The following CEP290 variants were observed in gnomAD, a reference collection of about 807,000 sequenced individuals.
The protein encoded by CEP290 is centrosomal protein of 290 kDa.
In CEP290, 317 loss-of-function variants were observed where a neutral mutation model predicts 344.9. The ratio of observed to expected loss-of-function variants is 0.92; its 90% CI spans 0.84 to 1.01. The LOEUF is 1.01. Ranked by LOEUF, CEP290 falls within the 50% of genes least tolerant of loss-of-function variation. CEP290 has a pLI of 0.00. For missense variants in CEP290, 2,754 were observed against 2,761.4 expected (o/e 1.00, Z 0.06); for synonymous variants, 932 against 895.8 (o/e 1.04, Z -0.72).
chr12:88,111,654 C>T (rs772336879), intron 21 of CEP290, 40 bp downstream of exon 21: 1 of 1,496,374 alleles, frequency 6.7e-7, no homozygotes, highest in Non-Finnish European at 8.9e-7. Flanking sequence ...AATCTACATT[C>T]TTATGTTTAG....
At chr12:88,126,906 CT>C (rs1356050139) in intron 11 of CEP290, among the ~76,000 whole-genome samples, 1 of 152,028 alleles carries the variant, frequency 6.6e-6, no homozygotes, top group African/African-American at 2.4e-5. Flanking sequence ...CAATTTATAA[CT>C]TTAACACATA....
intron 5 of CEP290, among the ~76,000 whole-genome samples, chr12:88,137,732 C>T (rs1343885215): frequency 1.3e-5 from 2 of 152,192 alleles, no homozygotes; most frequent in African/African-American, 4.8e-5. Context: ...CCTTGGAACT[C>T]TTTCAATTGG....
intron 41 of CEP290, 25 bp downstream of exon 41, chr12:88,077,197 T>C: frequency 6.3e-7 from 1 of 1,593,518 alleles, no homozygotes; most frequent in East Asian, 2.3e-5. Context: ...CTTAAGCATA[T>C]AAGTCAGTAT....
At position 88,129,691 on chromosome 12, in the gene CEP290, T is replaced by C. The variant is rs1555225551; in HGVS notation, c.852+3A>G. The stretch of plus-strand genomic sequence containing the variant: ...AATAAGTTATTCTAAAAGTAATTCT[T>C]ACTTGAAGTTGATAATGATCGTTTT... On this transcript the variant is annotated splice_donor_region_variant and intron_variant, in intron 10 of 53. Transcript: ENST00000552810. 2.2e-6 allele frequency: 3 copies of C among 1,375,356 alleles called. No individual in the cohort carries two copies. Among genetic ancestry groups the C allele is most frequent in the Non-Finnish European group, 3.0e-6 (3 of 1,012,690 alleles). The allele number at this position is 1,375,356 out of a possible 1,614,324, so 85.2% of individuals were successfully genotyped here. A position where few individuals can be genotyped will look rare whatever the true frequency, so the allele number is the denominator to read the frequency against.
At position 88,077,917 on chromosome 12, in the gene CEP290, G is replaced by T; in HGVS notation, c.5366C>A (p.Thr1789Lys). ...IVDRHTRELK[T>K]QVEDLNENLL... ...ATTTTCATTTAAATCTTCAACTTGT[G>T]TCTAATAAGAGAAAAAGAAAGGTAT... The change falls in exon 40 of 54, where the codon ACA (threonine) becomes AAA (lysine). Residue 1789 changes from threonine to lysine, a missense_variant and splice_region_variant. Thr to Lys is a moderately conservative substitution (Grantham distance 78, BLOSUM62 -1). Coordinates refer to ENST00000552810, the MANE Select transcript of CEP290 (RefSeq NM_025114.4). 1 of 1,239,378 alleles carries T rather than the reference G, an allele frequency of 8.1e-7. No individual in the cohort carries two copies. The highest frequency in any genetic ancestry group is 1.1e-6 in the Non-Finnish European group (1 of 895,184). The allele number at this position is 1,239,378 out of a possible 1,614,324, so 76.8% of individuals were successfully genotyped here.
Position 88,120,100 on chromosome 12 carries a change from A to G in CEP290, c.1522+14T>C. The stretch of plus-strand genomic sequence containing the variant: ...TCAGGTTGCGCAAACTATGTAACTT[A>G]AAACATGGCTTACCCACACGCTCTC... On this transcript the variant is annotated intron_variant, in intron 15 of 53. Coordinates refer to ENST00000552810, the MANE Select transcript of CEP290 (RefSeq NM_025114.4). 1 of 1,466,104 alleles carries G rather than the reference A, an allele frequency of 6.8e-7. No individual in the cohort carries two copies. The highest frequency in any genetic ancestry group is 2.5e-5 in the East Asian group (1 of 39,220). 90.8% of individuals were successfully genotyped at this position (1,466,104 alleles called of 1,614,324 possible).
chr12:88,074,523 C>CT (rs952115003), intron 41 of CEP290, among the ~76,000 whole-genome samples: 3 of 152,180 alleles, frequency 2.0e-5, no homozygotes, highest in Admixed American at 1.3e-4. Flanking sequence ...TACATATAGG[C>CT]TTTTTTCCAT....
At chr12:88,110,977 T>C (rs1448520722) in intron 22 of CEP290, among the ~76,000 whole-genome samples, 1 of 152,148 alleles carries the variant, frequency 6.6e-6, no homozygotes, top group East Asian at 1.9e-4. Context: ...TTATTTATAA[T>C]CCATCTAACA....
chr12:88,053,875 C>A, intron 51 of CEP290, 129 bp from the exon 52 acceptor site: 1 of 521,124 alleles, frequency 1.9e-6, no homozygotes. Flanking sequence ...TAAACATTTA[C>A]TCTCAATGCT....
rs1176131735 is a variant in CEP290, at chr12:88,077,734, A to G, written c.5549T>C (p.Leu1850Pro). 1 of 1,569,776 alleles carries G rather than the reference A, an allele frequency of 6.4e-7. No individual in the cohort carries two copies. The highest frequency in any genetic ancestry group is 1.4e-5 in the African/African-American group (1 of 72,590). The change falls in exon 40 of 54, where the codon CTG becomes CCG. Residue 1850 changes from leucine (L) to proline (P), a missense_variant. Transcript: ENST00000552810. ...GGTTAGTCTTTTAATTTGCCTTTTC[A>G]GTTCATCATTCTCTTGATCAATTTC... ...KEEIDQENDELKRQIKRLTSG... is the reference protein window; with the variant it reads ...KEEIDQENDEPKRQIKRLTSG...
At chr12:88,135,806 G>C (rs1416225286) in intron 6 of CEP290, 1 of 151,894 alleles carries the variant, frequency 6.6e-6, no homozygotes, top group Non-Finnish European at 1.5e-5. Context: ...AGGACACAAA[G>C]GTGGAAAACG....
intron 6 of CEP290, among the ~76,000 whole-genome samples, chr12:88,134,158 T>G (rs2040231096): frequency 6.6e-6 from 1 of 152,158 alleles, no homozygotes; most frequent in Non-Finnish European, 1.5e-5. Context: ...TCTACAAAAC[T>G]GAAATAATCT....
In CEP290 at chr12:88,084,639, G is replaced by A. The variant is rs746305733; in HGVS notation, c.4651C>T (p.Gln1551Ter). 3 of 1,612,890 alleles carry A rather than the reference G, an allele frequency of 1.9e-6. No individual in the cohort carries two copies. The highest frequency in any genetic ancestry group is 3.3e-5 in the Admixed American group (2 of 59,940). Residue 1551 changes from glutamine to a stop codon, truncating the protein, a stop_gained, in exon 35 of 54, where the codon CAA becomes TAA. Coordinates refer to ENST00000552810, the MANE Select transcript of CEP290 (RefSeq NM_025114.4). LOFTEE classifies it high-confidence loss of function. ...TACTTCTTTAATACTTCTTCTTTTT[G>A]ATTTAACCTTGCTTGCATGTTTGCA... ...TIANMQARLN[Q>*]KEEVLKKYQR...
chr12:88,134,835 A>C (rs1442292993), intron 6 of CEP290, among the ~76,000 whole-genome samples: 1 of 152,092 alleles, frequency 6.6e-6, no homozygotes, highest in Non-Finnish European at 1.5e-5. Flanking sequence ...TTTCCTAAAT[A>C]CTCCATAACA....
rs776215675 is a variant in CEP290 at position 88,071,770 on chromosome 12, T to G, written c.5855+11A>C. On this transcript the variant is annotated intron_variant, in intron 42 of 53. Coordinates refer to ENST00000552810, the MANE Select transcript of CEP290 (RefSeq NM_025114.4). ...ACACATAATTAGTTTTATAATGATATTTAAACTCACTTGGCAAAAAGATCC... is the reference window on the plus strand; with the variant it reads ...ACACATAATTAGTTTTATAATGATAGTTAAACTCACTTGGCAAAAAGATCC... 26 of 1,575,808 alleles carry G rather than the reference T, an allele frequency of 1.6e-5. No homozygotes were observed. Among genetic ancestry groups the G allele is most frequent in the Non-Finnish European group, 2.1e-5 (24 of 1,163,260 alleles).
At position 88,118,241 on chromosome 12, in the gene CEP290, G is replaced by T. The variant is rs2039179164; in HGVS notation, c.1711+242C>A. Among the ~76,000 whole-genome samples the T allele has an allele frequency of 2.6e-5, 4 of 151,642 alleles. No individual in the cohort carries two copies. The South Asian group carries it at 8.3e-4, about 32-fold the overall frequency. ...TTTTCAAAAATTCCATAATTCTAAG[G>T]TTTTTTTCTTTTTTGTTTGCTTGGT... is the stretch of plus-strand genomic sequence containing the variant. On this transcript the variant is annotated intron_variant, in intron 17 of 53. Transcript: ENST00000552810.
At chr12:88,092,337 A>C (rs1392441886) in intron 29 of CEP290, among the ~76,000 whole-genome samples, 2 of 152,116 alleles carry the variant, frequency 1.3e-5, no homozygotes, top group African/African-American at 4.8e-5. Context: ...TCCCTTATTA[A>C]AATGAAGAAA....
At chr12:88,106,622 G>T (rs1382188923) in intron 25 of CEP290, 53 bp downstream of exon 25, 5 of 1,164,036 alleles carry the variant, frequency 4.3e-6, no homozygotes, top group Non-Finnish European at 6.1e-6. Context: ...CCTATCTTCT[G>T]CATATTTGAA....
Position 88,060,819 on chromosome 12 carries a change from A to AG in CEP290, c.6522+10_6522+11insC, listed in dbSNP as rs2034421355. On this transcript the variant is annotated intron_variant, in intron 47 of 53. Coordinates refer to ENST00000552810, the MANE Select transcript of CEP290 (RefSeq NM_025114.4). ...TATTCCCCTAAAAATGATCACATTA[A>AG]AAAAAATTACCTTCAATTTTTCATT... 2 of 1,511,544 alleles carry AG rather than the reference A, an allele frequency of 1.3e-6. No homozygotes were observed. The highest frequency in any genetic ancestry group is 1.8e-6 in the Non-Finnish European group (2 of 1,132,228). 93.6% of individuals were successfully genotyped at this position (1,511,544 alleles called of 1,614,324 possible). A position where few individuals can be genotyped will look rare whatever the true frequency, so the allele number is the denominator to read the frequency against.
Sources: allele counts gnomAD v4.1 joint callset (sites outside exome capture counted in the v4.1 genomes callset), GRCh38; gene constraint gnomAD v4.1.1; transcripts MANE v1.5; gene names NCBI Gene and HGNC (gene_info 2026-07-23, HGNC 2026-07-21).